The following ASCC3 variants were observed in gnomAD, a reference collection of about 807,000 sequenced individuals.
ASCC3 encodes the protein ASC-1 complex subunit P200.
ASCC3 carries 158 observed loss-of-function variants against 256.3 expected under a neutral mutation model. The ratio of observed to expected loss-of-function variants is 0.62; its 90% confidence interval spans 0.54 to 0.70. The LOEUF (loss-of-function observed/expected upper bound fraction) is 0.70, where lower values mean the gene tolerates loss of function less well. Ranked by LOEUF, ASCC3 falls within the 30% of genes least tolerant of loss-of-function variation. The pLI is 0.00. For synonymous variants in ASCC3, 948 were observed against 883.4 expected, an observed-to-expected ratio of 1.07 and a Z score of -1.30; for missense variants, 2,259 against 2,626.0, an observed-to-expected ratio of 0.86 and a Z score of 3.05.
intron 37 of ASCC3, chr6:100,530,757 A>G (rs1774830011): frequency 1.0e-6 from 1 of 979,438 alleles, no homozygotes; most frequent in Non-Finnish European, 1.7e-6. Context: ...TTACCAGTTT[A>G]CTTTTAATTT....
chr6:100,719,734 T>C (rs1328883530), intron 11 of ASCC3, among the ~76,000 whole-genome samples: 1 of 151,944 alleles, frequency 6.6e-6, no homozygotes, highest in African/African-American at 2.4e-5. Flanking sequence ...TATTGACAAT[T>C]ACAAAAAATT....
chr6:100,635,629 G>A (rs1371251763), intron 25 of ASCC3, among the ~76,000 whole-genome samples: 1 of 152,076 alleles, frequency 6.6e-6, no homozygotes, highest in Non-Finnish European at 1.5e-5. Flanking sequence ...TGATAGGTAT[G>A]TTAATTAGCT....
chr6:100,655,607 G>A (rs1300470989), intron 17 of ASCC3, 92 bp downstream of exon 17: 4 of 1,433,716 alleles, frequency 2.8e-6, no homozygotes, highest in African/African-American at 1.4e-5. Flanking sequence ...CTTTTCAGAT[G>A]AGGCAAGAGC....
chr6:100,589,628 A>G lies in ASCC3; in HGVS notation c.5550+6T>C. ...AGAGAAGATATGAAATATATGAAAA[A>G]CTCACACTTAGAATTGAAAGCAGTT... On this transcript the variant is annotated splice_donor_region_variant and intron_variant, in intron 36 of 41. Transcript: ENST00000369162. 6.2e-7 allele frequency: 1 copy of G among 1,613,166 alleles called. No individual in the cohort carries two copies. The highest frequency in any genetic ancestry group is 8.5e-7 in the Non-Finnish European group (1 of 1,179,640).
chr6:100,573,574 A>G (rs1400275698), intron 36 of ASCC3, among the ~76,000 whole-genome samples: 1 of 152,170 alleles, frequency 6.6e-6, no homozygotes, highest in Non-Finnish European at 1.5e-5. Context: ...TACTCAACGT[A>G]GAGTGAGAGG....
intron 4 of ASCC3, among the ~76,000 whole-genome samples, chr6:100,813,229 G>A (rs969157921): frequency 6.6e-6 from 1 of 152,242 alleles, no homozygotes; most frequent in East Asian, 1.9e-4. Context: ...GCCGAAGCGG[G>A]AGGACTACCT....
At chr6:100,549,418 A>C (rs1210707411) in intron 36 of ASCC3, among the ~76,000 whole-genome samples, 4 of 151,976 alleles carry the variant, frequency 2.6e-5, no homozygotes, top group African/African-American at 9.7e-5. Context: ...ACACATTAGC[A>C]GTTAACAATG....
chr6:100,742,022 T>C (rs542651540), intron 10 of ASCC3, among the ~76,000 whole-genome samples: 2 of 152,304 alleles, frequency 1.3e-5, no homozygotes, highest in African/African-American at 4.8e-5. Context: ...ATCTTTGAGG[T>C]TGCTGATCTC....
intron 33 of ASCC3, among the ~76,000 whole-genome samples, chr6:100,603,567 T>C (rs1274988164): frequency 6.6e-6 from 1 of 152,096 alleles, no homozygotes; most frequent in Non-Finnish European, 1.5e-5. Context: ...TTATAAATTA[T>C]GATGTTTGAT....
chr6:100,509,617 G>GT lies in ASCC3; in HGVS notation c.6462-85_6462-84insA, dbSNP rs1461031682. 8.1e-6 allele frequency: 11 copies of GT among 1,365,888 alleles called. No homozygotes were observed. The East Asian group carries it at 2.5e-4, about 31-fold the overall frequency. 84.6% of individuals were successfully genotyped at this position (1,365,888 alleles called of 1,614,324 possible). On this transcript the variant is annotated intron_variant, in intron 41 of 41. Coordinates refer to ENST00000369162, the MANE Select transcript of ASCC3 (RefSeq NM_006828.4). ...AATTCTTTCAGAACTTTGGTAGTAG[G>GT]AGGCTGGGTGCGGTGGCTCACGCCT...
chr6:100,653,555 T>C (rs973867107), intron 17 of ASCC3, among the ~76,000 whole-genome samples: 7 of 151,552 alleles, frequency 4.6e-5, no homozygotes, highest in African/African-American at 1.4e-4. Context: ...GGAGAATCAC[T>C]TGAACCCAGG....
intron 37 of ASCC3, chr6:100,530,165 G>C (rs778189007): frequency 4.7e-4 from 285 of 604,130 alleles, no homozygotes; most frequent in Non-Finnish European, 6.4e-4. Flanking sequence ...ATGTGTGTGA[G>C]ATGTGTTTTC....
chr6:100,569,059 T>A (rs1312327713), intron 36 of ASCC3, among the ~76,000 whole-genome samples: 4 of 152,070 alleles, frequency 2.6e-5, no homozygotes, highest in Non-Finnish European at 5.9e-5. Context: ...TTCTTAAGGC[T>A]GATGTCCAGA....
chr6:100,585,495 A>G (rs1019476556), intron 36 of ASCC3, among the ~76,000 whole-genome samples: 1 of 152,040 alleles, frequency 6.6e-6, no homozygotes, highest in Non-Finnish European at 1.5e-5. Flanking sequence ...ATTTTTTTCA[A>G]AGTTTTCAGT....
At chr6:100,630,992 A>T (rs75066834) in intron 26 of ASCC3, 136 bp downstream of exon 26, 15,132 of 644,000 alleles carry the variant, frequency 0.023, 219 homozygotes, top group African/African-American at 0.055. Context: ...ATGAAAATCA[A>T]TGTAAAACCA....
chr6:100,844,529 T>C (rs1251655315), intron 4 of ASCC3, among the ~76,000 whole-genome samples: 2 of 152,086 alleles, frequency 1.3e-5, no homozygotes, highest in Non-Finnish European at 2.9e-5. Context: ...GTACCAATAA[T>C]GGACAGGTTT....
intron 4 of ASCC3, among the ~76,000 whole-genome samples, chr6:100,811,793 T>C (rs1770481983): frequency 2.0e-5 from 3 of 152,198 alleles, no homozygotes; most frequent in Middle Eastern, 3.4e-3. Flanking sequence ...CTAGGTTGTA[T>C]AGGAGGAGAG....
At chr6:100,627,474 TATACGTAG>T in intron 29 of ASCC3, 108 bp downstream of exon 29, 3 of 1,326,658 alleles carry the variant, frequency 2.3e-6, no homozygotes, top group Non-Finnish European at 3.2e-6. Flanking sequence ...CAGTTTTAGA[TATACGTAG>T]AAGCTGGACC....
At chr6:100,643,620 TATACAGCATGTTACC>T (rs1476384522) in intron 23 of ASCC3, among the ~76,000 whole-genome samples, 1 of 152,182 alleles carries the variant, frequency 6.6e-6, no homozygotes, top group African/African-American at 2.4e-5. Context: ...CTACTGCTCT[TATACAGCATGTTACC>T]ATACAGCATG....
Sources: allele counts gnomAD v4.1 joint callset (sites outside exome capture counted in the v4.1 genomes callset), GRCh38; gene constraint gnomAD v4.1.1; transcripts MANE v1.5; gene names NCBI Gene and HGNC (gene_info 2026-07-23, HGNC 2026-07-21).